The following NACC2 variants were observed in gnomAD, a reference collection of about 807,000 sequenced individuals.
NACC2 encodes the protein nucleus accumbens-associated protein 2.
NACC2 carries 8 observed loss-of-function variants against 25.1 expected under a neutral mutation model. The observed-to-expected ratio is 0.32, with a 90% CI of 0.19 to 0.57. NACC2 has a LOEUF of 0.57. NACC2 is among the 20% of genes least tolerant of loss of function. The probability of loss-of-function intolerance (pLI) is 0.89; values close to 1 mark genes in which losing one functional copy is unlikely to be tolerated. For missense variants in NACC2, 644 were observed against 650.2 expected (o/e 0.99, Z 0.10); for synonymous variants, 435 against 294.7 (o/e 1.48, Z -4.88).
chr9:136,007,396 GAC>G lies in NACC2; in HGVS notation c.*4118_*4119del, dbSNP rs1359295012. 6.0e-5 allele frequency: 8 copies of G among 132,632 alleles called. 1 individual carries two copies. The Middle Eastern group carries it at 1.6e-3, about 26-fold the overall frequency. 8.2% of individuals were successfully genotyped at this position (132,632 alleles called of 1,614,324 possible). A position where few individuals can be genotyped will look rare whatever the true frequency, so the allele number is the denominator to read the frequency against. On this transcript the variant is annotated 3_prime_UTR_variant, in exon 6 of 6. Transcript: ENST00000277554. ...ACACATACACAGACACGCGTGCAGA[GAC>G]ACGCACGTGCACACAGACGCGCGTG...
At chr9:136,077,905 A>T (rs1830280025) in intron 1 of NACC2, among the ~76,000 whole-genome samples, 1 of 152,228 alleles carries the variant, frequency 6.6e-6, no homozygotes, top group Non-Finnish European at 1.5e-5. Flanking sequence ...CACGTAAATA[A>T]TATCAGTCCA....
At position 136,007,000 on chromosome 9, in the gene NACC2, T is replaced by A. The variant is rs1840022460; in HGVS notation, c.*4516A>T. On this transcript the variant is annotated 3_prime_UTR_variant, in exon 6 of 6. Coordinates refer to ENST00000277554, the MANE Select transcript of NACC2 (RefSeq NM_144653.5). ...TTAAAAGTCTCTTTTTTCCAAACATTCCATCCGAAGGATGGATGCTCTACT... is the reference window on the plus strand; with the variant it reads ...TTAAAAGTCTCTTTTTTCCAAACATACCATCCGAAGGATGGATGCTCTACT... The A allele has an allele frequency of 6.5e-6, 1 of 154,138 alleles. No individual in the cohort carries two copies. The allele number at this position is 154,138 out of a possible 1,614,324, so 9.5% of individuals were successfully genotyped here.
rs1840797211 is a variant in NACC2 at position 136,050,104 on chromosome 9, A to G, written c.418T>C (p.Ser140Pro). 1.3e-6 allele frequency: 1 copy of G among 752,666 alleles called. No homozygotes were observed. Among genetic ancestry groups the G allele is most frequent in the Non-Finnish European group, 2.4e-6 (1 of 408,688 alleles). 46.6% of individuals were successfully genotyped at this position (752,666 alleles called of 1,614,324 possible). ...SQTAVIEDAG[S>P]EPQSPCNQLQ... ...TGGTTGCAGGGGCTCTGGGGCTCGG[A>G]GCCGGCGTCCTCGATCACAGCGGTC... The change falls in exon 2 of 6, where the codon TCC becomes CCC. Residue 140 changes from serine (S) to proline (P), a missense_variant. Coordinates refer to ENST00000277554, the MANE Select transcript of NACC2 (RefSeq NM_144653.5).
chr9:136,041,938 T>G (rs1398761467), intron 2 of NACC2, among the ~76,000 whole-genome samples: 2 of 152,312 alleles, frequency 1.3e-5, no homozygotes, highest in East Asian at 3.9e-4. Context: ...GATCAACATT[T>G]TAGTAATCTT....
chr9:136,081,455 T>C (rs977142593), intron 1 of NACC2, among the ~76,000 whole-genome samples: 5 of 152,228 alleles, frequency 3.3e-5, no homozygotes, highest in Admixed American at 3.3e-4. Context: ...ACCTGCTCTC[T>C]GAGCGCGGGG....
At chr9:136,036,341 C>T (rs1056081699) in intron 2 of NACC2, among the ~76,000 whole-genome samples, 2,929 of 152,064 alleles carry the variant, frequency 0.019, 94 homozygotes, top group African/African-American at 0.067. Context: ...ATTACAATGT[C>T]CAGCATCTAT....
chr9:136,062,119 G>A (rs1588576308), intron 1 of NACC2, among the ~76,000 whole-genome samples: 1 of 13,468 alleles, frequency 7.4e-5, no homozygotes, highest in African/African-American at 1.2e-4. Flanking sequence ...GAGCGAGACA[G>A]GACAGGACAG....
In NACC2 at chr9:136,013,758, AG is replaced by A; in HGVS notation, c.1157+105del. 2 of 990,148 alleles carry A rather than the reference AG, an allele frequency of 2.0e-6. No homozygotes were observed. The highest frequency in any genetic ancestry group is 3.0e-6 in the Non-Finnish European group (2 of 671,584). 61.3% of individuals were successfully genotyped at this position (990,148 alleles called of 1,614,324 possible). A position where few individuals can be genotyped will look rare whatever the true frequency, so the allele number is the denominator to read the frequency against. ...CCACGGCTGAAGTCAGGAATGCGAG[AG>A]GGCTTTCAATGCCACAACCCTGGAC... On this transcript the variant is annotated intron_variant, in intron 4 of 5. Coordinates refer to ENST00000277554, the MANE Select transcript of NACC2 (RefSeq NM_144653.5). The surrounding 1 kb of genome is among the most constrained non-coding windows in gnomAD (Gnocchi z 6.6).
intron 3 of NACC2, among the ~76,000 whole-genome samples, chr9:136,015,036 A>G (rs1473718406): frequency 6.6e-6 from 1 of 152,038 alleles, no homozygotes; most frequent in Non-Finnish European, 1.5e-5. Context: ...GTGAGTGCCC[A>G]TGACCTCTTC....
rs1840240503 is a variant in NACC2 at position 136,018,720 on chromosome 9, G to A, written c.887-2291C>T. Among the ~76,000 whole-genome samples the A allele has an allele frequency of 6.6e-6, 1 of 151,924 alleles. No individual in the cohort carries two copies. The highest frequency in any genetic ancestry group is 1.5e-5 in the Non-Finnish European group (1 of 67,970). ...AGGCAGCATTTCCCGGTGGGGCAGAGCATCGCAGGATAAGCCCAGAATTAC... is the reference window on the plus strand; with the variant it reads ...AGGCAGCATTTCCCGGTGGGGCAGAACATCGCAGGATAAGCCCAGAATTAC... On this transcript the variant is annotated intron_variant, in intron 2 of 5. Transcript: ENST00000277554. This position sits in a 1 kb window ranked among gnomAD's most constrained non-coding sequence, Gnocchi z 4.4.
At chr9:136,052,031 C>T (rs1205086234) in intron 1 of NACC2, among the ~76,000 whole-genome samples, 1 of 152,170 alleles carries the variant, frequency 6.6e-6, no homozygotes, top group Non-Finnish European at 1.5e-5. Flanking sequence ...ATGAAGGGGC[C>T]GGATGCAGAC....
chr9:136,026,621 G>C (rs1190533403), intron 2 of NACC2, among the ~76,000 whole-genome samples: 2 of 152,146 alleles, frequency 1.3e-5, no homozygotes. Flanking sequence ...AAAATGTGCA[G>C]ATAAATATAA....
At chr9:136,012,047 G>T in intron 5 of NACC2, 23 bp from the exon 6 acceptor site, 1 of 1,500,280 alleles carries the variant, frequency 6.7e-7, no homozygotes. Flanking sequence ...GGCGGCGTGA[G>T]CTCAGCCACC....
intron 2 of NACC2, among the ~76,000 whole-genome samples, chr9:136,026,114 C>T (rs1172672357): frequency 2.0e-5 from 3 of 151,760 alleles, no homozygotes; most frequent in Non-Finnish European, 4.4e-5. Flanking sequence ...ACGAGGTGGG[C>T]AGATCACTTG....
At chr9:136,077,768 A>G (rs186787764) in intron 1 of NACC2, among the ~76,000 whole-genome samples, 11 of 152,336 alleles carry the variant, frequency 7.2e-5, no homozygotes, top group Admixed American at 3.3e-4. Flanking sequence ...GGGCAACAAA[A>G]TTGTGCTTAA....
At chr9:136,071,539 T>C (rs1026467542) in intron 1 of NACC2, among the ~76,000 whole-genome samples, 2 of 48,596 alleles carry the variant, frequency 4.1e-5, no homozygotes, top group African/African-American at 1.7e-4. Flanking sequence ...TGAGACTCCA[T>C]CTCAAAAAAA....
intron 1 of NACC2, among the ~76,000 whole-genome samples, chr9:136,063,903 A>C (rs897232201): frequency 3.0e-4 from 46 of 151,910 alleles, no homozygotes; most frequent in African/African-American, 8.9e-4. Flanking sequence ...AAAAACAAAA[A>C]AAACAAAAAT....
chr9:136,089,505 G>T (rs1457228479), intron 1 of NACC2, among the ~76,000 whole-genome samples: 1 of 151,848 alleles, frequency 6.6e-6, no homozygotes, highest in East Asian at 1.9e-4. Context: ...CCTGGTGGGG[G>T]GCTCCTGTTA....
At chr9:136,017,261 C>G (rs1479411870) in intron 2 of NACC2, among the ~76,000 whole-genome samples, 2 of 152,184 alleles carry the variant, frequency 1.3e-5, no homozygotes, top group Non-Finnish European at 2.9e-5. Flanking sequence ...CACCACGCGT[C>G]AGAGACGGGC....
Sources: allele counts gnomAD v4.1 joint callset (sites outside exome capture counted in the v4.1 genomes callset), GRCh38; gene constraint gnomAD v4.1.1; non-coding constraint Gnocchi (gnomAD v3.1); transcripts MANE v1.5; gene names NCBI Gene and HGNC (gene_info 2026-07-23, HGNC 2026-07-21).